The following S1PR2 variants were observed in gnomAD, a reference collection of about 807,000 sequenced individuals.
The protein encoded by S1PR2 is sphingosine 1-phosphate receptor 2.
Under a neutral mutation model 16.1 loss-of-function variants are expected in S1PR2, and 9 were observed. The ratio of observed to expected loss-of-function variants is 0.56; its 90% confidence interval spans 0.34 to 0.98. S1PR2 has a LOEUF of 0.98. Ranked by LOEUF, S1PR2 falls within the 50% of genes least tolerant of loss-of-function variation. The probability of loss-of-function intolerance (pLI) is 0.02; values close to 1 mark genes in which losing one functional copy is unlikely to be tolerated. For synonymous variants in S1PR2, 224 were observed against 233.9 expected (o/e 0.96, Z 0.38); for missense variants, 361 against 488.4 (o/e 0.74, Z 2.46).
At position 10,224,803 on chromosome 19, in the gene S1PR2, C is replaced by T; in HGVS notation, c.103G>A (p.Val35Met). 6.2e-7 allele frequency: 1 copy of T among 1,614,262 alleles called. No homozygotes were observed. The highest frequency in any genetic ancestry group is 8.5e-7 in the Non-Finnish European group (1 of 1,180,052). ...AGGATGACGATGAAGGCCGAGGCCA[C>T]CTGGCGGGAGGTCGTCTCCTGCGTT... ...LETQETTSRQ[V>M]ASAFIVILCC... Residue 35 changes from valine to methionine, a missense_variant, in exon 2 of 2, where the codon GTG (valine) becomes ATG (methionine). Transcript: ENST00000646641.
At position 10,224,020 on chromosome 19, in the gene S1PR2, G is replaced by A. The variant is rs774518653; in HGVS notation, c.886C>T (p.Arg296Trp). 4 of 1,612,120 alleles carry A rather than the reference G, an allele frequency of 2.5e-6. No homozygotes were observed. The highest frequency in any genetic ancestry group is 2.2e-5 in the East Asian group (1 of 44,868). ...TGCAGCGGCCGAAGCACCTCCCGCC[G>A]CAGGTCCCGGCTGCGCCACGTGTAG... ...VIYTWRSRDL[R>W]REVLRPLQCW... is the part of the protein sequence containing the mutation. Residue 296 changes from arginine (R) to tryptophan (W), a missense_variant, in exon 2 of 2, where the codon CGG becomes TGG. By Grantham distance (101) the Arg-to-Trp change is moderately radical. Transcript: ENST00000646641.
intron 1 of S1PR2, among the ~76,000 whole-genome samples, chr19:10,226,381 T>C (rs2039634768): frequency 6.6e-6 from 1 of 152,178 alleles, no homozygotes; most frequent in Non-Finnish European, 1.5e-5. Flanking sequence ...ACTGGGCAAG[T>C]CCCTAGACGC....
Position 10,224,925 on chromosome 19 carries a change from C to T in S1PR2, c.-20G>A. On this transcript the variant is annotated 5_prime_UTR_variant, in exon 2 of 2. Coordinates refer to ENST00000646641, the MANE Select transcript of S1PR2 (RefSeq NM_004230.4). ...GCCCATGGTGGGGCTCAGAGGCCTG[C>T]TGGGGCCATGGGGCTTTCAGAACTG... The T allele has an allele frequency of 1.3e-6, 2 of 1,588,038 alleles. No individual in the cohort carries two copies. Among genetic ancestry groups the T allele is most frequent in the Non-Finnish European group, 1.7e-6 (2 of 1,168,146 alleles).
chr19:10,231,019 G>C (rs567256403), intron 1 of S1PR2, among the ~76,000 whole-genome samples, 185 bp downstream of exon 1: 1 of 152,368 alleles, frequency 6.6e-6, no homozygotes, highest in African/African-American at 2.4e-5. Flanking sequence ...CGGGTTCGCG[G>C]CCGAGGCAGT....
intron 1 of S1PR2, among the ~76,000 whole-genome samples, chr19:10,227,939 C>T (rs986438842): frequency 1.3e-5 from 2 of 152,026 alleles, no homozygotes; most frequent in Admixed American, 6.6e-5. Flanking sequence ...CTGGGGAGCA[C>T]GCTGTGCAGT....
intron 1 of S1PR2, among the ~76,000 whole-genome samples, chr19:10,229,098 T>G (rs2039653389): frequency 6.6e-6 from 1 of 151,824 alleles, no homozygotes; most frequent in Non-Finnish European, 1.5e-5. Context: ...TCCATGTCAC[T>G]CCCCAACTCC....
chr19:10,228,305 TG>T (rs2039649012), intron 1 of S1PR2, among the ~76,000 whole-genome samples: 1 of 150,212 alleles, frequency 6.7e-6, no homozygotes, highest in South Asian at 2.1e-4. Context: ...AGAGCGAGAC[TG>T]TCTCAAAACA....
In S1PR2 at chr19:10,223,205, A is replaced by AT. The variant is rs2145439930; in HGVS notation, c.*638_*639insA. 8.9e-6 allele frequency: 1 copy of AT among 112,714 alleles called. No individual in the cohort carries two copies. Among genetic ancestry groups the AT allele is most frequent in the East Asian group, 2.5e-4 (1 of 3,964 alleles). The allele number at this position is 112,714 out of a possible 1,614,324, so 7.0% of individuals were successfully genotyped here. A position where few individuals can be genotyped will look rare whatever the true frequency, so the allele number is the denominator to read the frequency against. On this transcript the variant is annotated 3_prime_UTR_variant, in exon 2 of 2. Transcript: ENST00000646641. ...AAAAAAAAAAAAAAAAAAAAAAAAA[A>AT]GCCGGGCACGGTGGCTCACGCCTGT...
chr19:10,230,101 C>T (rs2039661062), intron 1 of S1PR2, among the ~76,000 whole-genome samples: 1 of 152,272 alleles, frequency 6.6e-6, no homozygotes, highest in African/African-American at 2.4e-5. Flanking sequence ...ACCTCTGGTC[C>T]GCGGGCAGCG....
In S1PR2 at chr19:10,223,730, G is replaced by A. The variant is rs895225635; in HGVS notation, c.*114C>T. The A allele has an allele frequency of 1.0e-6, 1 of 965,092 alleles. No homozygotes were observed. The highest frequency in any genetic ancestry group is 1.5e-6 in the Non-Finnish European group (1 of 654,674). The allele number at this position is 965,092 out of a possible 1,614,324, so 59.8% of individuals were successfully genotyped here. On this transcript the variant is annotated 3_prime_UTR_variant, in exon 2 of 2. Coordinates refer to ENST00000646641, the MANE Select transcript of S1PR2 (RefSeq NM_004230.4). ...TGTGAAATATTTGCAACATCACCCAGGTCTGTGGGGCGGGGGCATCTGGCT... is the reference window on the plus strand; with the variant it reads ...TGTGAAATATTTGCAACATCACCCAAGTCTGTGGGGCGGGGGCATCTGGCT...
chr19:10,228,256 G>A (rs2145444552), intron 1 of S1PR2, among the ~76,000 whole-genome samples: 1 of 152,140 alleles, frequency 6.6e-6, no homozygotes, highest in Admixed American at 6.5e-5. Flanking sequence ...AGGTTGCAGT[G>A]AGCCAAGATC....
At chr19:10,230,661 C>T (rs186315882) in intron 1 of S1PR2, among the ~76,000 whole-genome samples, 3 of 152,358 alleles carry the variant, frequency 2.0e-5, no homozygotes, top group East Asian at 3.9e-4. Flanking sequence ...GGCGTCTGAG[C>T]CACGCAGTCA....
chr19:10,230,836 C>T (rs1023835284), intron 1 of S1PR2, among the ~76,000 whole-genome samples: 2 of 152,248 alleles, frequency 1.3e-5, no homozygotes, highest in Admixed American at 1.3e-4. Flanking sequence ...TTTGCCCTCG[C>T]TCAGCCGGAG....
Position 10,224,728 on chromosome 19 carries a change from G to C in S1PR2, c.178C>G (p.Arg60Gly), listed in dbSNP as rs776098609. Reference sequence around the variant, plus strand: ...ATTGCCGAGTGGAACTTGCTGTTTCGGGCCACCGCAATGAGCACCAGAAGG... The same window carrying C: ...ATTGCCGAGTGGAACTTGCTGTTTCCGGCCACCGCAATGAGCACCAGAAGG... The part of the protein sequence containing the change: ...ENLLVLIAVA[R>G]NSKFHSAMYL... The change falls in exon 2 of 2, where the codon CGA becomes GGA. Residue 60 changes from arginine to glycine, a missense_variant. Transcript: ENST00000646641. The C allele has an allele frequency of 7.4e-6, 12 of 1,614,220 alleles. No homozygotes were observed. The highest frequency in any genetic ancestry group is 1.0e-5 in the Non-Finnish European group (12 of 1,180,050).
rs1316799885 is a variant in S1PR2, at chr19:10,223,505, TTG to T, written c.*337_*338del. On this transcript the variant is annotated 3_prime_UTR_variant, in exon 2 of 2. Coordinates refer to ENST00000646641, the MANE Select transcript of S1PR2 (RefSeq NM_004230.4). Reference sequence around the variant, plus strand: ...CGTCTCAAAAAAAAAAAAAAATCCTTTGTACCAGGTGGTAAAGTGCTCCTGCC... The same window carrying T: ...CGTCTCAAAAAAAAAAAAAAATCCTTTACCAGGTGGTAAAGTGCTCCTGCC... 3.6e-6 allele frequency: 1 copy of T among 275,446 alleles called. No homozygotes were observed. Among genetic ancestry groups the T allele is most frequent in the African/African-American group, 2.2e-5 (1 of 45,306 alleles). The allele number at this position is 275,446 out of a possible 1,614,324, so 17.1% of individuals were successfully genotyped here.
intron 1 of S1PR2, among the ~76,000 whole-genome samples, chr19:10,228,794 A>G (rs924804623): frequency 8.5e-5 from 13 of 152,202 alleles, no homozygotes; most frequent in African/African-American, 3.1e-4. Context: ...CAGGCCTGAA[A>G]TGGAACAGGA....
At chr19:10,225,663 G>A (rs745857039) in intron 1 of S1PR2, among the ~76,000 whole-genome samples, 41 of 151,528 alleles carry the variant, frequency 2.7e-4, no homozygotes, top group Non-Finnish European at 5.3e-4. Flanking sequence ...CTCTCAAAGC[G>A]CTGGGATTAC....
chr19:10,226,328 C>T (rs1336753089), intron 1 of S1PR2, among the ~76,000 whole-genome samples: 1 of 152,200 alleles, frequency 6.6e-6, no homozygotes, highest in Non-Finnish European at 1.5e-5. Context: ...GGACACAGAC[C>T]TTGAAGGCAA....
At chr19:10,230,835 G>T (rs1218739011) in intron 1 of S1PR2, among the ~76,000 whole-genome samples, 2 of 152,272 alleles carry the variant, frequency 1.3e-5, no homozygotes, top group Admixed American at 6.5e-5. Flanking sequence ...TTTTGCCCTC[G>T]CTCAGCCGGA....
Sources: allele counts gnomAD v4.1 joint callset (sites outside exome capture counted in the v4.1 genomes callset), GRCh38; gene constraint gnomAD v4.1.1; transcripts MANE v1.5; gene names NCBI Gene and HGNC (gene_info 2026-07-23, HGNC 2026-07-21).